Variants in EGFR observed in about 807,000 individuals in gnomAD.
The protein encoded by EGFR is avian erythroblastic leukemia viral (v-erb-b) oncogene homolog.
In EGFR, 58 loss-of-function variants were observed where a neutral mutation model predicts 143.0. The ratio of observed to expected loss-of-function variants is 0.41; its 90% CI spans 0.33 to 0.50. EGFR has a LOEUF of 0.50. Among genes scored for constraint, EGFR ranks in the 20% least tolerant of loss-of-function variants. EGFR has a pLI of 0.39. For missense variants in EGFR, 1,307 were observed against 1,579.0 expected (o/e 0.83, Z 2.92); for synonymous variants, 613 against 594.4 (o/e 1.03, Z -0.45).
chr7:55,200,416 A>G lies in EGFR; in HGVS notation c.2946+3A>G, dbSNP rs1185688669. ...CCCAGCGCTACCTTGTCATTCAGGTACAAATTGCAGTCTGTGCTTCCATTG... is the reference window on the plus strand; with the variant it reads ...CCCAGCGCTACCTTGTCATTCAGGTGCAAATTGCAGTCTGTGCTTCCATTG... On this transcript the variant is annotated splice_donor_region_variant and intron_variant, in intron 24 of 27. Coordinates refer to ENST00000275493, the MANE Select transcript of EGFR (RefSeq NM_005228.5). 33 of 1,613,596 alleles carry G rather than the reference A, an allele frequency of 2.0e-5. No homozygotes were observed. The highest frequency in any genetic ancestry group is 2.8e-5 in the Non-Finnish European group (33 of 1,179,616).
intron 1 of EGFR, among the ~76,000 whole-genome samples, chr7:55,055,120 C>T (rs575284942): frequency 6.6e-6 from 1 of 152,140 alleles, no homozygotes; most frequent in Non-Finnish European, 1.5e-5. Context: ...TGACATGGGT[C>T]GGCCCGTACC....
intron 27 of EGFR, among the ~76,000 whole-genome samples, chr7:55,204,854 GCACA>G (rs1252522593): frequency 8.9e-6 from 1 of 112,806 alleles, no homozygotes; most frequent in Admixed American, 9.0e-5. Context: ...ACACCCACAT[GCACA>G]CACCACACAC....
intron 11 of EGFR, among the ~76,000 whole-genome samples, chr7:55,159,205 T>C (rs746813657): frequency 2.0e-4 from 31 of 152,128 alleles, no homozygotes; most frequent in Non-Finnish European, 3.4e-4. Context: ...CATCGTGGTC[T>C]GGCAGAGGCT....
intron 1 of EGFR, among the ~76,000 whole-genome samples, chr7:55,097,273 A>C (rs141325948): frequency 3.9e-5 from 6 of 152,270 alleles, no homozygotes; most frequent in South Asian, 4.1e-4. Flanking sequence ...AGCCTCCTCT[A>C]TCCTCCTTGC....
chr7:55,037,386 T>C (rs1332478197), intron 1 of EGFR, among the ~76,000 whole-genome samples: 1 of 152,148 alleles, frequency 6.6e-6, no homozygotes, highest in Non-Finnish European at 1.5e-5. Flanking sequence ...ATTTACCTAA[T>C]GTGGTTTGCG....
chr7:55,157,856 T>A, intron 11 of EGFR, 103 bp downstream of exon 11: 1 of 1,164,884 alleles, frequency 8.6e-7, no homozygotes. Context: ...AGCTCCTGCA[T>A]CTCTCGCCGG....
chr7:55,089,496 T>C (rs370376201), intron 1 of EGFR, among the ~76,000 whole-genome samples: 3 of 152,264 alleles, frequency 2.0e-5, no homozygotes, highest in East Asian at 3.8e-4. Context: ...CTTCCATTTC[T>C]GAACTATTTT....
At chr7:55,138,115 G>A (rs1794256539) in intron 1 of EGFR, among the ~76,000 whole-genome samples, 1 of 152,232 alleles carries the variant, frequency 6.6e-6, no homozygotes, top group Admixed American at 6.5e-5. Context: ...CAGAAAAATA[G>A]ATATGTGATA....
At chr7:55,189,032 A>ACG (rs1787267785) in intron 20 of EGFR, 1 of 152,076 alleles carries the variant, frequency 6.6e-6, no homozygotes, top group Admixed American at 6.6e-5. Flanking sequence ...TGACAGAGTG[A>ACG]CGCGGACTTC....
chr7:55,073,074 G>A (rs560728207), intron 1 of EGFR, among the ~76,000 whole-genome samples: 9 of 152,112 alleles, frequency 5.9e-5, no homozygotes, highest in South Asian at 2.1e-4. Context: ...CTACTTTGTC[G>A]TTTCTCTTCC....
chr7:55,106,337 G>A (rs957060406), intron 1 of EGFR, among the ~76,000 whole-genome samples: 4 of 152,262 alleles, frequency 2.6e-5, no homozygotes, highest in African/African-American at 9.6e-5. Flanking sequence ...TTCTGGGTCA[G>A]AAGCCACCAA....
intron 1 of EGFR, among the ~76,000 whole-genome samples, chr7:55,047,083 G>A (rs1358499673): frequency 6.6e-6 from 1 of 152,212 alleles, no homozygotes; most frequent in Non-Finnish European, 1.5e-5. Flanking sequence ...GTACGATAGG[G>A]CCATTCCAAC....
intron 1 of EGFR, among the ~76,000 whole-genome samples, chr7:55,110,804 A>G (rs1792434114): frequency 6.6e-6 from 1 of 152,170 alleles, no homozygotes; most frequent in South Asian, 2.1e-4. Context: ...CCTCTGCACA[A>G]TGACCAGCTG....
intron 1 of EGFR, among the ~76,000 whole-genome samples, chr7:55,028,353 A>G (rs1461916492): frequency 1.3e-5 from 2 of 152,154 alleles, no homozygotes; most frequent in Non-Finnish European, 1.5e-5. Flanking sequence ...GTCTCTGCTG[A>G]TACTCAAATT....
rs1024228183 is a variant in EGFR, at chr7:55,199,310, T to G, written c.2848+447T>G. ...GTGGATTTATGTGAAGTCTCTGCAG[T>G]GTGGCATTTAAACATTTCAATCTAA... On this transcript the variant is annotated intron_variant, in intron 23 of 27. Coordinates refer to ENST00000275493, the MANE Select transcript of EGFR (RefSeq NM_005228.5). Among the ~76,000 whole-genome samples, 90 of 152,258 alleles carry G rather than the reference T, an allele frequency of 5.9e-4. 1 individual carries two copies. Among genetic ancestry groups the G allele is most frequent in the Admixed American group, 2.6e-4 (4 of 15,290 alleles).
At chr7:55,070,026 G>C (rs1308227779) in intron 1 of EGFR, among the ~76,000 whole-genome samples, 1 of 152,114 alleles carries the variant, frequency 6.6e-6, no homozygotes, top group African/African-American at 2.4e-5. Context: ...TTAGTAAAAA[G>C]TTGCATTGTT....
At chr7:55,175,298 T>C (rs1786547943) in intron 19 of EGFR, among the ~76,000 whole-genome samples, 1 of 152,252 alleles carries the variant, frequency 6.6e-6, no homozygotes, top group Non-Finnish European at 1.5e-5. Context: ...GTGCCTAGAA[T>C]ATGATGGCGT....
At position 55,161,540 on chromosome 7, in the gene EGFR, G is replaced by A. The variant is rs2128942803; in HGVS notation, c.1540G>A (p.Gly514Ser). Residue 514 changes from glycine (G) to serine (S), a missense_variant, in exon 13 of 28, where the codon GGC becomes AGC. By Grantham distance (56) the Gly-to-Ser change is moderately conservative. This residue lies in a region of EGFR where 250 missense variants were observed against 295.1 expected (regional missense o/e 0.85). Transcript: ENST00000275493. The stretch of plus-strand genomic sequence containing the variant: ...CTGCCATGCCTTGTGCTCCCCCGAG[G>A]GCTGCTGGGGCCCGGAGCCCAGGGA... ...QVCHALCSPEGCWGPEPRDCV... is the reference protein window; with the variant it reads ...QVCHALCSPESCWGPEPRDCV... 1 of 1,614,260 alleles carries A rather than the reference G, an allele frequency of 6.2e-7. No homozygotes were observed. The highest frequency in any genetic ancestry group is 8.5e-7 in the Non-Finnish European group (1 of 1,180,054).
At chr7:55,163,494 C>G (rs1167855750) in intron 13 of EGFR, among the ~76,000 whole-genome samples, 2 of 152,304 alleles carry the variant, frequency 1.3e-5, no homozygotes, top group East Asian at 3.9e-4. Context: ...TATGCAAAAA[C>G]TATGCTGTAG....
Sources: allele counts gnomAD v4.1 joint callset (sites outside exome capture counted in the v4.1 genomes callset), GRCh38; gene constraint gnomAD v4.1.1; regional missense constraint gnomAD v4.1.1; transcripts MANE v1.5; gene names NCBI Gene and HGNC (gene_info 2026-07-23, HGNC 2026-07-21).